Variants in MRE11 observed in about 807,000 individuals in gnomAD.
MRE11 encodes the protein MRE11 double strand break repair nuclease.
Under a neutral mutation model 91.7 loss-of-function variants are expected in MRE11, and 62 were observed. That is an observed-to-expected ratio of 0.68 (90% CI 0.55 to 0.84). The LOEUF is 0.84. Among genes scored for constraint, MRE11 ranks in the 40% least tolerant of loss-of-function variants. The pLI is 0.00. For missense variants in MRE11, 796 were observed against 852.9 expected (o/e 0.93, Z 0.83); for synonymous variants, 273 against 271.4 (o/e 1.01, Z -0.06).
intron 8 of MRE11, among the ~76,000 whole-genome samples, chr11:94,470,849 T>C (rs1015036546): frequency 6.6e-6 from 1 of 152,094 alleles, no homozygotes; most frequent in African/African-American, 2.4e-5. Context: ...TAAAATCAAC[T>C]CATCCATTAT....
intron 14 of MRE11, among the ~76,000 whole-genome samples, chr11:94,448,182 G>C (rs1036447255): frequency 6.6e-6 from 1 of 151,938 alleles, no homozygotes; most frequent in African/African-American, 2.4e-5. Context: ...TTTGTTTTTT[G>C]TTCTTGAATA....
At chr11:94,443,853 T>A (rs1180243468) in intron 16 of MRE11, among the ~76,000 whole-genome samples, 2 of 151,808 alleles carry the variant, frequency 1.3e-5, no homozygotes, top group African/African-American at 2.4e-5. Flanking sequence ...CGATAGAACA[T>A]AATCTACATA....
upstream of MRE11, chr11:94,497,969 G>A (rs1947440227): frequency 1.8e-5 from 16 of 886,056 alleles, 1 homozygote; most frequent in South Asian, 3.0e-4. Flanking sequence ...TAACAAGTAA[G>A]TTTTTATTCA....
the MRE11 span, among the ~76,000 whole-genome samples, chr11:94,503,236 T>C: frequency 6.6e-6 from 1 of 152,152 alleles, no homozygotes; most frequent in Non-Finnish European, 1.5e-5. Flanking sequence ...CGTTTACCCT[T>C]GCCCCAGATC....
chr11:94,493,959 C>A (rs11020802), upstream of MRE11: 47,369 of 152,126 alleles, frequency 0.31, 7,787 homozygotes, highest in Middle Eastern at 0.41. Flanking sequence ...CCCGCCCTCA[C>A]GCAGGAGCCA....
Position 94,459,392 on chromosome 11 carries a change from CAAATT to C in MRE11, c.1500+11_1500+15del. 1 of 1,613,474 alleles carries C rather than the reference CAAATT, an allele frequency of 6.2e-7. No homozygotes were observed. The highest frequency in any genetic ancestry group is 8.5e-7 in the Non-Finnish European group (1 of 1,179,644). ...GACTATTTAAATAGACCTAGACACT[CAAATT>C]AGTTACTTACCTCCTCATCGATTTT... On this transcript the variant is annotated intron_variant, in intron 13 of 19. Transcript: ENST00000323929.
chr11:94,498,054 C>CTTT, upstream of MRE11: 4 of 1,530,556 alleles, frequency 2.6e-6, no homozygotes, highest in South Asian at 1.2e-5. Flanking sequence ...TGAAAGATTT[C>CTTT]TTTTTTTTCT....
At chr11:94,468,181 T>C (rs1381807736) in intron 9 of MRE11, among the ~76,000 whole-genome samples, 1 of 152,194 alleles carries the variant, frequency 6.6e-6, no homozygotes, top group Non-Finnish European at 1.5e-5. Flanking sequence ...TTCCTCAGCT[T>C]ACCAACTTAA....
At chr11:94,467,466 C>G (rs898707189) in intron 10 of MRE11, among the ~76,000 whole-genome samples, 1 of 151,948 alleles carries the variant, frequency 6.6e-6, no homozygotes, top group African/African-American at 2.4e-5. Context: ...CGGGAGCAGA[C>G]TAAAGGGAGA....
upstream of MRE11, among the ~76,000 whole-genome samples, chr11:94,496,294 AC>A (rs1947417391): frequency 6.6e-6 from 1 of 152,190 alleles, no homozygotes; most frequent in Admixed American, 6.5e-5. Flanking sequence ...TATTAGTTAT[AC>A]TTCAAAACCT....
chr11:94,429,759 T>C (rs1945412948), intron 19 of MRE11, 152 bp downstream of exon 19: 2 of 668,370 alleles, frequency 3.0e-6, no homozygotes, highest in Non-Finnish European at 5.0e-6. Context: ...CATCACGCAA[T>C]TCCCATGTAA....
chr11:94,475,407 C>CCGAA (rs1249260916), intron 7 of MRE11: 1 of 326,686 alleles, frequency 3.1e-6, no homozygotes, highest in Non-Finnish European at 6.1e-6. Context: ...AGGTCCTGGA[C>CCGAA]CGAACACCCC....
chr11:94,472,445 C>T (rs1442616473), intron 7 of MRE11, among the ~76,000 whole-genome samples: 1 of 152,046 alleles, frequency 6.6e-6, no homozygotes, highest in African/African-American at 2.4e-5. Context: ...AATATTCTTC[C>T]ATTCACCCAA....
At chr11:94,442,045 C>G (rs1945795731) in intron 16 of MRE11, among the ~76,000 whole-genome samples, 1 of 129,680 alleles carries the variant, frequency 7.7e-6, no homozygotes, top group Non-Finnish European at 1.7e-5. Context: ...AAAGAGAAAA[C>G]AGAAAATACA....
chr11:94,427,642 A>G (rs959411586), intron 19 of MRE11, among the ~76,000 whole-genome samples: 4 of 152,112 alleles, frequency 2.6e-5, no homozygotes, highest in African/African-American at 9.7e-5. Context: ...GAAAACCCTA[A>G]AGACCCTGCC....
intron 3 of MRE11, among the ~76,000 whole-genome samples, chr11:94,490,235 TTG>T (rs1434036379): frequency 6.6e-6 from 1 of 152,166 alleles, no homozygotes; most frequent in East Asian, 1.9e-4. Flanking sequence ...GTGAGCCAAA[TTG>T]ACTACAGGGC....
the MRE11 span, among the ~76,000 whole-genome samples, chr11:94,504,080 T>G: frequency 2.0e-5 from 3 of 152,192 alleles, no homozygotes; most frequent in Non-Finnish European, 4.4e-5. Flanking sequence ...GTTCAGTGGT[T>G]TCTTGGTCAC....
At chr11:94,420,307 T>C (rs1945136843) in intron 19 of MRE11, 126 bp from the exon 20 acceptor site, 2 of 712,098 alleles carry the variant, frequency 2.8e-6, no homozygotes, top group East Asian at 5.4e-5. Context: ...TATTTTTCTA[T>C]TTCCTTTATA....
chr11:94,488,315 G>A (rs1199442142), intron 3 of MRE11, among the ~76,000 whole-genome samples: 1 of 152,168 alleles, frequency 6.6e-6, no homozygotes, highest in African/African-American at 2.4e-5. Context: ...AGATGCTGGT[G>A]AAATTACGGA....
Sources: gnomAD v4.1 joint callset for allele counts (sites outside exome capture counted in the v4.1 genomes callset) on GRCh38, gnomAD v4.1.1 for gene constraint, MANE v1.5 for transcripts, NCBI Gene and HGNC (gene_info 2026-07-23, HGNC 2026-07-21) for gene names.